Variants in CCDC50 observed in about 807,000 individuals in gnomAD.
CCDC50 encodes coiled-coil domain containing 50, also known as coiled-coil domain-containing protein 50.
CCDC50 carries 54 observed loss-of-function variants against 70.2 expected under a neutral mutation model. The ratio of observed to expected loss-of-function variants is 0.77; its 90% CI spans 0.62 to 0.96. CCDC50 has a LOEUF of 0.96. Ranked by LOEUF, CCDC50 falls within the 50% of genes least tolerant of loss-of-function variation. CCDC50 has a pLI of 0.00. For synonymous variants in CCDC50, 216 were observed against 198.8 expected (o/e 1.09, Z -0.73); for missense variants, 558 against 578.7 (o/e 0.96, Z 0.37).
At position 191,395,287 on chromosome 3, in the gene CCDC50, T is replaced by C. The variant is rs2108681446; in HGVS notation, c.*3527T>C. ...CACTTTCTCTCAAAGTTAGAACTTT[T>C]CAGTATAAAAATAATTAGCTTTTAA... is the stretch of plus-strand genomic sequence containing the variant. On this transcript the variant is annotated 3_prime_UTR_variant, in exon 12 of 12. Coordinates refer to ENST00000392455, the MANE Select transcript of CCDC50 (RefSeq NM_178335.3). 6.6e-6 allele frequency: 1 copy of C among 152,302 alleles called. No individual in the cohort carries two copies. The highest frequency in any genetic ancestry group is 1.9e-4 in the East Asian group (1 of 5,192). The allele number at this position is 152,302 out of a possible 1,614,324, so 9.4% of individuals were successfully genotyped here.
At chr3:191,338,197 A>G (rs913080709) in intron 1 of CCDC50, among the ~76,000 whole-genome samples, 3 of 152,222 alleles carry the variant, frequency 2.0e-5, no homozygotes, top group East Asian at 1.9e-4. Flanking sequence ...TTTATTGACT[A>G]TGGAGGAGTC....
In CCDC50 at chr3:191,397,305, A is replaced by G. The variant is rs550644970; in HGVS notation, c.*5545A>G. Reference sequence around the variant, plus strand: ...ATTTTGTGAGAGGGTTTTTGACATCAGAATTTTTGTATTTCTGGTCAAATT... The same window carrying G: ...ATTTTGTGAGAGGGTTTTTGACATCGGAATTTTTGTATTTCTGGTCAAATT... On this transcript the variant is annotated 3_prime_UTR_variant, in exon 12 of 12. Coordinates refer to ENST00000392455, the MANE Select transcript of CCDC50 (RefSeq NM_178335.3). 1.1e-4 allele frequency: 17 copies of G among 152,328 alleles called. No individual in the cohort carries two copies. In the East Asian group the frequency reaches 3.1e-3, roughly 28 times the overall value. The allele number at this position is 152,328 out of a possible 1,614,324, so 9.4% of individuals were successfully genotyped here.
At position 191,389,667 on chromosome 3, in the gene CCDC50, G is replaced by A. The variant is rs1713615718; in HGVS notation, c.1429+65G>A. The A allele has an allele frequency of 3.2e-6, 4 of 1,236,636 alleles. No homozygotes were observed. In the East Asian group the frequency reaches 9.3e-5, roughly 29 times the overall value. 76.6% of individuals were successfully genotyped at this position (1,236,636 alleles called of 1,614,324 possible). A position where few individuals can be genotyped will look rare whatever the true frequency, so the allele number is the denominator to read the frequency against. ...TTTTATATAAGCCTCGTGTTGTAGT[G>A]GAAAAATCAAATTCTGTGTTCCACT... On this transcript the variant is annotated intron_variant, in intron 11 of 11. Transcript: ENST00000392455.
intron 4 of CCDC50, among the ~76,000 whole-genome samples, chr3:191,362,600 C>A (rs1326267243): frequency 1.3e-5 from 2 of 152,172 alleles, no homozygotes; most frequent in African/African-American, 4.8e-5. Flanking sequence ...CCCAGAAACA[C>A]TTTCGAGGGT....
intron 1 of CCDC50, among the ~76,000 whole-genome samples, chr3:191,337,114 G>T (rs1028919740): frequency 1.3e-5 from 2 of 151,758 alleles, no homozygotes; most frequent in African/African-American, 4.8e-5. Flanking sequence ...AGTAGTTGTA[G>T]CAGAGACCAC....
Position 191,396,027 on chromosome 3 carries a change from G to A in CCDC50, c.*4267G>A, listed in dbSNP as rs2108681862. On this transcript the variant is annotated 3_prime_UTR_variant, in exon 12 of 12. Transcript: ENST00000392455. ...GGTGGAAGAATCTCTTTTATCCATG[G>A]CGAGAGGTAAGAATATTAAAGAGTC... is the stretch of plus-strand genomic sequence containing the variant. The A allele has an allele frequency of 6.6e-6, 1 of 152,256 alleles. No individual in the cohort carries two copies. The highest frequency in any genetic ancestry group is 2.4e-5 in the African/African-American group (1 of 41,572). 9.4% of individuals were successfully genotyped at this position (152,256 alleles called of 1,614,324 possible).
rs183023580 is a variant in CCDC50 at position 191,394,411 on chromosome 3, G to C, written c.*2651G>C. On this transcript the variant is annotated 3_prime_UTR_variant, in exon 12 of 12. Transcript: ENST00000392455. ...TCAACTGTATTTTAATGAACTGCCA[G>C]ACACTTTTCACTGTGTTCTCTGCTT... 27 of 152,194 alleles carry C rather than the reference G, an allele frequency of 1.8e-4. No individual in the cohort carries two copies. The highest frequency in any genetic ancestry group is 3.4e-3 in the Middle Eastern group (1 of 294). The allele number at this position is 152,194 out of a possible 1,614,324, so 9.4% of individuals were successfully genotyped here. A position where few individuals can be genotyped will look rare whatever the true frequency, so the allele number is the denominator to read the frequency against.
At chr3:191,350,665 T>C (rs1326842099) in intron 1 of CCDC50, among the ~76,000 whole-genome samples, 1 of 141,868 alleles carries the variant, frequency 7.0e-6, no homozygotes, top group Non-Finnish European at 1.6e-5. Flanking sequence ...GAAAGGAACG[T>C]GTAGCCGTTC....
At chr3:191,372,613 G>A (rs1712950790) in intron 5 of CCDC50, among the ~76,000 whole-genome samples, 1 of 151,776 alleles carries the variant, frequency 6.6e-6, no homozygotes, top group African/African-American at 2.4e-5. Flanking sequence ...TTACAGAAAT[G>A]GTCAGTTTTT....
intron 2 of CCDC50, 113 bp from the exon 3 acceptor site, chr3:191,357,885 T>G (rs1050498243): frequency 6.2e-6 from 8 of 1,300,682 alleles, no homozygotes; most frequent in Non-Finnish European, 7.8e-6. Flanking sequence ...GACAATAAAA[T>G]GAAGTGATGG....
chr3:191,380,306 T>G, intron 7 of CCDC50, 32 bp downstream of exon 7: 1 of 1,309,174 alleles, frequency 7.6e-7, no homozygotes, highest in Non-Finnish European at 1.1e-6. Context: ...AGTTTAGATA[T>G]ATTGATGGGT....
At position 191,358,077 on chromosome 3, in the gene CCDC50, G is replaced by A. The variant is rs1246448374; in HGVS notation, c.192G>A (p.Glu64=). The change falls in exon 3 of 12, where the codon GAG becomes GAA. Residue 64 remains glutamate, a synonymous_variant. Coordinates refer to ENST00000392455, the MANE Select transcript of CCDC50 (RefSeq NM_178335.3). ...HDLQVAKQLQ[E]EDLKAQAQLQ... is the part of the protein sequence containing the mutation. Reference sequence around the variant, plus strand: ...TCCAGGTGGCTAAGCAGCTCCAAGAGGAAGATCTGAAAGCGCAGGCCCAGC... The same window carrying A: ...TCCAGGTGGCTAAGCAGCTCCAAGAAGAAGATCTGAAAGCGCAGGCCCAGC... 3 of 1,613,978 alleles carry A rather than the reference G, an allele frequency of 1.9e-6. No individual in the cohort carries two copies. The highest frequency in any genetic ancestry group is 1.7e-6 in the Non-Finnish European group (2 of 1,179,924).
intron 7 of CCDC50, 45 bp from the exon 8 acceptor site, chr3:191,380,642 T>G (rs1354813122): frequency 6.4e-7 from 1 of 1,564,274 alleles, no homozygotes; most frequent in Non-Finnish European, 8.8e-7. Context: ...ATGCACAACA[T>G]AGATTCCAAT....
At chr3:191,336,949 G>T (rs143894507) in intron 1 of CCDC50, among the ~76,000 whole-genome samples, 1 of 152,322 alleles carries the variant, frequency 6.6e-6, no homozygotes, top group African/African-American at 2.4e-5. Flanking sequence ...GGCTTTTACA[G>T]TGTTTAATGA....
chr3:191,350,602 G>T lies in CCDC50; in HGVS notation c.50-6486G>T, dbSNP rs762406808. Among the ~76,000 whole-genome samples the T allele has an allele frequency of 4.2e-5, 6 of 141,348 alleles. 2 individuals are homozygous for T. The highest frequency in any genetic ancestry group is 1.3e-4 in the African/African-American group (5 of 39,646). 92.7% of individuals were successfully genotyped at this position (141,348 alleles called of 152,430 possible). ...TTTTTTCACTTCCTTTTTAGTTTATGTAGAATTAGTTGGGAAAGCACTGGG... is the reference window on the plus strand; with the variant it reads ...TTTTTTCACTTCCTTTTTAGTTTATTTAGAATTAGTTGGGAAAGCACTGGG... On this transcript the variant is annotated intron_variant, in intron 1 of 11. Coordinates refer to ENST00000392455, the MANE Select transcript of CCDC50 (RefSeq NM_178335.3).
At chr3:191,375,744 A>G (rs973480971) in intron 6 of CCDC50, among the ~76,000 whole-genome samples, 155 bp downstream of exon 6, 1 of 152,182 alleles carries the variant, frequency 6.6e-6, no homozygotes, top group African/African-American at 2.4e-5. Flanking sequence ...AAAGGTATAC[A>G]CTTAATCTCA....
chr3:191,385,066 A>G (rs1163894978), intron 10 of CCDC50, among the ~76,000 whole-genome samples: 1 of 152,074 alleles, frequency 6.6e-6, no homozygotes. Context: ...TTAACTGTTG[A>G]TGGGCATTTT....
intron 11 of CCDC50, 138 bp from the exon 12 acceptor site, chr3:191,391,601 GTA>G: frequency 1.3e-6 from 1 of 779,222 alleles, no homozygotes; most frequent in Non-Finnish European, 2.2e-6. Context: ...CATTGATTCT[GTA>G]TATATGTCAC....
chr3:191,385,604 T>G (rs904217920), intron 10 of CCDC50, among the ~76,000 whole-genome samples: 2 of 152,240 alleles, frequency 1.3e-5, no homozygotes, highest in African/African-American at 4.8e-5. Context: ...GTAGGTTGTC[T>G]CTTTACTCTG....
Sources: allele counts gnomAD v4.1 joint callset (sites outside exome capture counted in the v4.1 genomes callset), GRCh38; gene constraint gnomAD v4.1.1; transcripts MANE v1.5; gene names NCBI Gene and HGNC (gene_info 2026-07-23, HGNC 2026-07-21).